The following PDE1C variants were observed in gnomAD, a reference collection of about 807,000 sequenced individuals.
The protein encoded by PDE1C is dual specificity calcium/calmodulin-dependent 3',5'-cyclic nucleotide phosphodiesterase 1C.
A neutral mutation model predicts 93.1 loss-of-function variants in PDE1C; 62 were observed. The ratio of observed to expected loss-of-function variants is 0.67; its 90% confidence interval spans 0.54 to 0.82. The LOEUF is 0.82. Ranked by LOEUF, PDE1C falls within the 40% of genes least tolerant of loss-of-function variation. PDE1C has a pLI of 0.00. For synonymous variants in PDE1C, 325 were observed against 310.1 expected (o/e 1.05, Z -0.50); for missense variants, 742 against 884.6 (o/e 0.84, Z 2.04).
At chr7:31,888,225 G>C (rs1798196355) in intron 2 of PDE1C, among the ~76,000 whole-genome samples, 1 of 142,092 alleles carries the variant, frequency 7.0e-6, no homozygotes, top group Admixed American at 7.1e-5. Flanking sequence ...ACTCCAGCCT[G>C]GGTGACAGAG....
chr7:31,922,460 C>A (rs889122766), intron 2 of PDE1C, among the ~76,000 whole-genome samples: 1 of 152,162 alleles, frequency 6.6e-6, no homozygotes. Flanking sequence ...ATCCTACTAA[C>A]TTTTCTGCAT....
At chr7:31,849,258 A>AGACCCACATATGTTC (rs1248664288) in intron 8 of PDE1C, among the ~76,000 whole-genome samples, 1 of 152,172 alleles carries the variant, frequency 6.6e-6, no homozygotes, top group Non-Finnish European at 1.5e-5. Context: ...TCTCCAGGCA[A>AGACCCACATATGTTC]GACCCACATA....
intron 2 of PDE1C, among the ~76,000 whole-genome samples, chr7:31,990,798 T>G (rs1359480092): frequency 6.6e-6 from 1 of 152,182 alleles, no homozygotes; most frequent in Non-Finnish European, 1.5e-5. Flanking sequence ...CTGCTGGAGA[T>G]TCACATAGAG....
At chr7:31,677,773 T>C in the PDE1C span, among the ~76,000 whole-genome samples, 1 of 152,152 alleles carries the variant, frequency 6.6e-6, no homozygotes, top group Non-Finnish European at 1.5e-5. Flanking sequence ...TAAGCATTGC[T>C]ATCATATTGT....
chr7:32,340,589 TA>T (rs1783728772), intron 1 of PDE1C, among the ~76,000 whole-genome samples: 1 of 152,242 alleles, frequency 6.6e-6, no homozygotes, highest in Non-Finnish European at 1.5e-5. Context: ...TACACAATCA[TA>T]TTTGTGTTTT....
intron 2 of PDE1C, among the ~76,000 whole-genome samples, chr7:31,937,050 C>T (rs1365303472): frequency 6.6e-6 from 1 of 152,084 alleles, no homozygotes; most frequent in Non-Finnish European, 1.5e-5. Context: ...TATTGACTGG[C>T]AATTGTAGAA....
Position 31,837,953 on chromosome 7 carries a change from T to A in PDE1C, c.999A>T (p.Val333=). Residue 333 remains valine (V), a synonymous_variant, in exon 10 of 18, where the codon GTA becomes GTT. Coordinates refer to ENST00000396191, the MANE Select transcript of PDE1C (RefSeq NM_001191057.4). ...KDDWREFRTL[V]IEMVMATDMS... is the part of the protein sequence containing the mutation. Reference sequence around the variant, plus strand: ...TATCTGTGGCCATCACCATTTCAATTACCAAGGTTCGAAACTCCCTTTTAG... The same window carrying A: ...TATCTGTGGCCATCACCATTTCAATAACCAAGGTTCGAAACTCCCTTTTAG... 1 of 1,612,728 alleles carries A rather than the reference T, an allele frequency of 6.2e-7. No homozygotes were observed. The highest frequency in any genetic ancestry group is 8.5e-7 in the Non-Finnish European group (1 of 1,178,822).
At chr7:31,876,130 G>A (rs189394684) in intron 5 of PDE1C, among the ~76,000 whole-genome samples, 20 of 151,980 alleles carry the variant, frequency 1.3e-4, no homozygotes, top group Admixed American at 8.5e-4. Context: ...ATCTGTGATC[G>A]CTCCAACTCA....
chr7:32,361,966 G>C (rs955118618), intron 1 of PDE1C, among the ~76,000 whole-genome samples: 1 of 152,198 alleles, frequency 6.6e-6, no homozygotes, highest in Non-Finnish European at 1.5e-5. Context: ...CCAGAGGCTG[G>C]AGCTGCAAAG....
chr7:32,199,220 A>G (rs1314066582), intron 2 of PDE1C, among the ~76,000 whole-genome samples: 1 of 151,858 alleles, frequency 6.6e-6, no homozygotes, highest in African/African-American at 2.4e-5. Flanking sequence ...GTGTTTGCCC[A>G]TCGTCTATAC....
chr7:31,862,678 G>GCC (rs1169917792), intron 7 of PDE1C, among the ~76,000 whole-genome samples: 1 of 152,132 alleles, frequency 6.6e-6, no homozygotes, highest in African/African-American at 2.4e-5. Flanking sequence ...CCTCCCCTAG[G>GCC]CCCCACTACC....
the PDE1C span, chr7:31,652,764 A>G: frequency 1.2e-6 from 2 of 1,613,918 alleles, no homozygotes; most frequent in East Asian, 4.5e-5. Flanking sequence ...AGCTTGGGCA[A>G]AGTTAGGTCC....
At chr7:32,064,917 C>CTAATTATTGTAAT in intron 1 of PDE1C, among the ~76,000 whole-genome samples, 1 of 152,194 alleles carries the variant, frequency 6.6e-6, no homozygotes, top group Admixed American at 6.5e-5. Flanking sequence ...CAGTACTGCA[C>CTAATTATTGTAAT]TAGATGAGCT....
At chr7:31,852,855 G>GT (rs70989613) in intron 7 of PDE1C, among the ~76,000 whole-genome samples, 127,824 of 151,204 alleles carry the variant, frequency 0.85, 55,488 homozygotes, top group Non-Finnish European at 0.95. Context: ...TACATATGCA[G>GT]TTTTTTTTCC....
chr7:31,980,034 G>T (rs927861534), intron 2 of PDE1C, among the ~76,000 whole-genome samples: 1 of 152,198 alleles, frequency 6.6e-6, no homozygotes, highest in Admixed American at 6.5e-5. Context: ...GCATAAAGTA[G>T]CCTTTTTCAC....
chr7:32,247,325 T>A (rs1205803039), intron 1 of PDE1C, among the ~76,000 whole-genome samples: 1 of 123,912 alleles, frequency 8.1e-6, no homozygotes, highest in Non-Finnish European at 1.8e-5. Context: ...TCTGTCTGTA[T>A]GAGGGTAAGG....
intron 2 of PDE1C, among the ~76,000 whole-genome samples, chr7:32,042,244 G>A (rs1791923346): frequency 6.6e-6 from 1 of 152,174 alleles, no homozygotes; most frequent in Non-Finnish European, 1.5e-5. Context: ...AGGTTGCAGT[G>A]AGCTGAGATC....
In PDE1C at chr7:32,082,271, G is replaced by C. The variant is rs1193956895; in HGVS notation, c.308+87514C>G. On this transcript the variant is annotated intron_variant, in intron 3 of 18. Transcript: ENST00000396193. ...AGTCTCGCTGATTGCTAGCACAGCA[G>C]TCTGAGATCAAACTGCAAGGTGGCA... Among the ~76,000 whole-genome samples the C allele has an allele frequency of 7.2e-5, 11 of 152,372 alleles. No homozygotes were observed. In the East Asian group the frequency reaches 7.7e-4, roughly 11 times the overall value.
the PDE1C span, among the ~76,000 whole-genome samples, chr7:31,694,913 A>G: frequency 1.3e-5 from 2 of 152,292 alleles, no homozygotes; most frequent in African/African-American, 4.8e-5. Flanking sequence ...AGGATGGGCA[A>G]ATAGGAGGGT....
Sources: allele counts gnomAD v4.1 joint callset (sites outside exome capture counted in the v4.1 genomes callset), GRCh38; gene constraint gnomAD v4.1.1; transcripts MANE v1.5; gene names NCBI Gene and HGNC (gene_info 2026-07-23, HGNC 2026-07-21).